Variants in PACS1 observed in about 807,000 individuals in gnomAD.
PACS1 encodes PACS-1.
A neutral mutation model predicts 115.0 loss-of-function variants in PACS1; 24 were observed. That is an observed-to-expected ratio of 0.21 (90% CI 0.15 to 0.29). The LOEUF is 0.29. PACS1 is among the 10% of genes least tolerant of loss of function. The pLI, the probability that PACS1 is intolerant of heterozygous loss-of-function variation, is 1.00. For synonymous variants in PACS1, 453 were observed against 504.5 expected (o/e 0.90, Z 1.37); for missense variants, 838 against 1,251.2 (o/e 0.67, Z 4.98).
intron 1 of PACS1, among the ~76,000 whole-genome samples, chr11:66,072,496 C>A (rs753894887): frequency 1.1e-4 from 16 of 152,170 alleles, no homozygotes; most frequent in Non-Finnish European, 2.2e-4. Flanking sequence ...CTCTGTGTTT[C>A]CACATCACTT....
At chr11:66,186,708 C>T (rs183077213) in intron 1 of PACS1, among the ~76,000 whole-genome samples, 91 of 152,332 alleles carry the variant, frequency 6.0e-4, no homozygotes, top group African/African-American at 1.9e-3. Context: ...AGTAACGTGA[C>T]AGAGCTGCAG....
intron 22 of PACS1, among the ~76,000 whole-genome samples, chr11:66,242,218 C>T (rs1019050593): frequency 1.4e-4 from 22 of 152,304 alleles, no homozygotes; most frequent in African/African-American, 4.8e-4. Flanking sequence ...GCCAGTGCTG[C>T]GGCAGCGCCT....
At chr11:66,109,364 C>T (rs913051728) in intron 1 of PACS1, among the ~76,000 whole-genome samples, 1 of 152,046 alleles carries the variant, frequency 6.6e-6, no homozygotes, top group African/African-American at 2.4e-5. Flanking sequence ...TTGAGACCAG[C>T]ATGGGCAACA....
At chr11:66,231,910 C>T (rs1196975641) in intron 13 of PACS1, 3 of 383,960 alleles carry the variant, frequency 7.8e-6, no homozygotes, top group African/African-American at 4.1e-5. Context: ...CACCTCCATC[C>T]TCTCCACCTG....
At chr11:66,204,593 A>G (rs896634137) in intron 2 of PACS1, among the ~76,000 whole-genome samples, 1 of 152,238 alleles carries the variant, frequency 6.6e-6, no homozygotes, top group Non-Finnish European at 1.5e-5. Context: ...AATGTGGTAC[A>G]TATACACAAT....
Position 66,112,815 on chromosome 11 carries a change from G to A in PACS1, c.356+41973G>A, listed in dbSNP as rs571441538. Among the ~76,000 whole-genome samples, 26 of 152,306 alleles carry A rather than the reference G, an allele frequency of 1.7e-4. No individual in the cohort carries two copies. In the East Asian group the frequency reaches 5.0e-3, roughly 29 times the overall value. On this transcript the variant is annotated intron_variant, in intron 1 of 23. Coordinates refer to ENST00000320580, the MANE Select transcript of PACS1 (RefSeq NM_018026.4). ...AGCAGATTTGTTCATAATAACAAAA[G>A]CTGGAAAGAACCCAAATGCCCATCA... is the stretch of plus-strand genomic sequence containing the variant.
chr11:66,213,260 A>G (rs1272855392), intron 4 of PACS1, among the ~76,000 whole-genome samples: 1 of 152,212 alleles, frequency 6.6e-6, no homozygotes, highest in Non-Finnish European at 1.5e-5. Flanking sequence ...TGAATCTGCT[A>G]CTATCATTTT....
chr11:66,127,934 C>T (rs997956083), intron 1 of PACS1, among the ~76,000 whole-genome samples: 6 of 152,174 alleles, frequency 3.9e-5, no homozygotes, highest in African/African-American at 7.2e-5. Flanking sequence ...TTTGATAAAA[C>T]GCCTAGATCT....
intron 2 of PACS1, among the ~76,000 whole-genome samples, chr11:66,205,224 A>C (rs890150078): frequency 3.9e-5 from 6 of 152,062 alleles, no homozygotes; most frequent in African/African-American, 1.4e-4. Flanking sequence ...ACCTCAGGTG[A>C]TCTGCCCGCC....
chr11:66,113,468 G>T (rs1262633446), intron 1 of PACS1, among the ~76,000 whole-genome samples: 1 of 152,138 alleles, frequency 6.6e-6, no homozygotes, highest in Admixed American at 6.5e-5. Flanking sequence ...TACCATCAAG[G>T]CTAGTTGGGT....
At chr11:66,160,773 C>T (rs1034079707) in intron 1 of PACS1, among the ~76,000 whole-genome samples, 7 of 151,222 alleles carry the variant, frequency 4.6e-5, no homozygotes, top group East Asian at 3.9e-4. Context: ...CCTCCTGCCT[C>T]GGCCTCCCAA....
At chr11:66,203,435 A>G (rs1854862743) in intron 2 of PACS1, among the ~76,000 whole-genome samples, 1 of 152,184 alleles carries the variant, frequency 6.6e-6, no homozygotes, top group Non-Finnish European at 1.5e-5. Context: ...ACCCAAAGCA[A>G]TCTACAGATT....
chr11:66,118,889 A>G lies in PACS1; in HGVS notation c.356+48047A>G, dbSNP rs1281537350. Among the ~76,000 whole-genome samples, 5 of 152,146 alleles carry G rather than the reference A, an allele frequency of 3.3e-5. No homozygotes were observed. The East Asian group carries it at 9.6e-4, about 29-fold the overall frequency. On this transcript the variant is annotated intron_variant, in intron 1 of 23. Transcript: ENST00000320580. ...TTTTGAGCATCTGTGTCAGCTAGGA[A>G]TACAGAAACTAAAAAACATTGCTTG...
At chr11:66,196,573 A>G (rs1854655181) in intron 2 of PACS1, among the ~76,000 whole-genome samples, 1 of 152,234 alleles carries the variant, frequency 6.6e-6, no homozygotes, top group African/African-American at 2.4e-5. Context: ...ATTCAGGGAA[A>G]ACAACTTAAT....
intron 1 of PACS1, among the ~76,000 whole-genome samples, chr11:66,180,493 T>C (rs1859983280): frequency 6.6e-6 from 1 of 152,042 alleles, no homozygotes; most frequent in South Asian, 2.1e-4. Flanking sequence ...TAGCTGGGAT[T>C]ACAGGCACGC....
chr11:66,177,939 A>G (rs1418248739), intron 1 of PACS1, among the ~76,000 whole-genome samples: 1 of 152,020 alleles, frequency 6.6e-6, no homozygotes, highest in East Asian at 1.9e-4. Flanking sequence ...ATAGTCCATA[A>G]TGGATGCTTA....
chr11:66,219,581 C>T (rs1855293025), intron 7 of PACS1, 165 bp from the exon 8 acceptor site: 3 of 711,862 alleles, frequency 4.2e-6, no homozygotes, highest in Non-Finnish European at 7.8e-6. Context: ...TGGAATTTGG[C>T]CTGTCTTCCT....
At chr11:66,192,820 C>CA (rs34916336) in intron 1 of PACS1, among the ~76,000 whole-genome samples, 10,332 of 152,264 alleles carry the variant, frequency 0.068, 484 homozygotes, top group Middle Eastern at 0.11. Flanking sequence ...ACTGAGACTC[C>CA]ACAGTGAGGG....
chr11:66,087,034 A>G (rs1465391708), intron 1 of PACS1, among the ~76,000 whole-genome samples: 2 of 152,198 alleles, frequency 1.3e-5, no homozygotes, highest in African/African-American at 2.4e-5. Context: ...CTAACTTGAT[A>G]AATTTTCATA....
Sources: allele counts gnomAD v4.1 joint callset (sites outside exome capture counted in the v4.1 genomes callset), GRCh38; gene constraint gnomAD v4.1.1; transcripts MANE v1.5; gene names NCBI Gene and HGNC (gene_info 2026-07-23, HGNC 2026-07-21).